PHTF2: variants seen among roughly 807,000 people sequenced by gnomAD.
PHTF2 encodes protein PHTF2.
In PHTF2, 60 loss-of-function variants were observed where a neutral mutation model predicts 101.2. The observed-to-expected ratio is 0.59, with a 90% CI of 0.48 to 0.73. PHTF2 has a LOEUF of 0.73. Among genes scored for constraint, PHTF2 ranks in the 30% least tolerant of loss-of-function variants. The pLI is 0.00. For missense variants in PHTF2, 747 were observed against 908.7 expected, an observed-to-expected ratio of 0.82 and a Z score of 2.29; for synonymous variants, 311 against 307.3, an observed-to-expected ratio of 1.01 and a Z score of -0.13.
chr7:77,942,830 T>C (rs763413562), intron 16 of PHTF2, 44 bp downstream of exon 15: 4 of 874,440 alleles, frequency 4.6e-6, no homozygotes. Context: ...GATATATAAA[T>C]ATTAACTTTC....
At chr7:77,878,655 T>C (rs1272690301) in intron 3 of PHTF2, among the ~76,000 whole-genome samples, 2 of 152,180 alleles carry the variant, frequency 1.3e-5, no homozygotes, top group Non-Finnish European at 2.9e-5. Flanking sequence ...GCTTGGCTAC[T>C]CCCAGGAATG....
chr7:77,829,468 T>A (rs1562850969), intron 1 of PHTF2, among the ~76,000 whole-genome samples: 1 of 152,240 alleles, frequency 6.6e-6, no homozygotes, highest in Non-Finnish European at 1.5e-5. Context: ...AAACGTGTGG[T>A]GTTTATTCTT....
At chr7:77,867,870 T>C (rs924924594) in intron 3 of PHTF2, among the ~76,000 whole-genome samples, 2 of 152,194 alleles carry the variant, frequency 1.3e-5, no homozygotes, top group Admixed American at 1.3e-4. Flanking sequence ...TTACATACGA[T>C]CTTTTGTTTT....
chr7:77,905,646 C>G (rs1801788326), intron 7 of PHTF2, among the ~76,000 whole-genome samples: 1 of 152,090 alleles, frequency 6.6e-6, no homozygotes, highest in South Asian at 2.1e-4. Context: ...CAGGCATGCA[C>G]TGCCATTCCC....
chr7:77,804,526 T>C (rs1330792699), intron 1 of PHTF2, among the ~76,000 whole-genome samples: 1 of 152,098 alleles, frequency 6.6e-6, no homozygotes, highest in African/African-American at 2.4e-5. Context: ...AGGTTTCACC[T>C]TGTTGGCCAG....
chr7:77,809,224 G>GTTTTT (rs34141515), intron 1 of PHTF2, among the ~76,000 whole-genome samples: 4 of 98,484 alleles, frequency 4.1e-5, no homozygotes, highest in African/African-American at 1.3e-4. Context: ...CCAGTTCGTT[G>GTTTTT]TTTTTTTTTT....
intron 1 of PHTF2, among the ~76,000 whole-genome samples, chr7:77,808,734 C>T (rs1793182851): frequency 6.6e-6 from 1 of 152,202 alleles, no homozygotes; most frequent in Non-Finnish European, 1.5e-5. Context: ...TCTGGCTTCT[C>T]AGTGTAGGGG....
chr7:77,909,999 A>G (rs559639996), intron 8 of PHTF2: 47 of 329,210 alleles, frequency 1.4e-4, no homozygotes, highest in Non-Finnish European at 2.0e-4. Flanking sequence ...ATCCAATGCA[A>G]TCCTTTCAAT....
intron 15 of PHTF2, among the ~76,000 whole-genome samples, chr7:77,940,927 G>A (rs537491273): frequency 6.6e-6 from 1 of 152,146 alleles, no homozygotes; most frequent in Non-Finnish European, 1.5e-5. Context: ...TTGCAATTCA[G>A]TGTCATTCTT....
chr7:77,939,636 A>G (rs2150971385), intron 13 of PHTF2, among the ~76,000 whole-genome samples: 1 of 151,998 alleles, frequency 6.6e-6, no homozygotes, highest in Non-Finnish European at 1.5e-5. Context: ...CTCAAGTTAC[A>G]AATGTACAAA....
intron 3 of PHTF2, among the ~76,000 whole-genome samples, chr7:77,861,143 TTTTATTTTTATTTA>T (rs1797611584): frequency 1.3e-5 from 2 of 152,100 alleles, no homozygotes; most frequent in South Asian, 4.1e-4. Context: ...TAATTTCTTT[TTTTATTTTTATTTA>T]TTTATTTTTA....
chr7:77,863,045 A>G (rs1318438511), intron 3 of PHTF2, among the ~76,000 whole-genome samples: 3 of 152,258 alleles, frequency 2.0e-5, no homozygotes, highest in African/African-American at 7.2e-5. Context: ...TTCACAGAGA[A>G]TAAAATGCTG....
intron 3 of PHTF2, among the ~76,000 whole-genome samples, chr7:77,886,956 G>A (rs987979986): frequency 2.0e-5 from 3 of 151,716 alleles, no homozygotes; most frequent in Non-Finnish European, 4.4e-5. Context: ...TGAGGTGGGA[G>A]GATTGATTGA....
chr7:77,887,222 A>C (rs546101580), intron 3 of PHTF2, among the ~76,000 whole-genome samples: 32 of 152,178 alleles, frequency 2.1e-4, no homozygotes, highest in African/African-American at 7.5e-4. Context: ...TGTTAATTTC[A>C]GTTTTTACAG....
chr7:77,817,187 T>A (rs1173470998), intron 1 of PHTF2, among the ~76,000 whole-genome samples: 1 of 152,218 alleles, frequency 6.6e-6, no homozygotes, highest in Non-Finnish European at 1.5e-5. Flanking sequence ...TCCTACCAAA[T>A]GTGTAAGAGT....
intron 1 of PHTF2, among the ~76,000 whole-genome samples, chr7:77,824,619 A>G (rs2150529997): frequency 6.6e-6 from 1 of 152,220 alleles, no homozygotes; most frequent in South Asian, 2.1e-4. Context: ...GAGATGTTTC[A>G]CCATGATGGC....
chr7:77,839,793 CATT>C (rs997950334), intron 1 of PHTF2, among the ~76,000 whole-genome samples: 1 of 152,044 alleles, frequency 6.6e-6, no homozygotes, highest in Non-Finnish European at 1.5e-5. Context: ...AATTAAATAT[CATT>C]ATAAATTCTG....
At chr7:77,868,403 A>T (rs7803160) in intron 3 of PHTF2, among the ~76,000 whole-genome samples, 1 of 144,606 alleles carries the variant, frequency 6.9e-6, no homozygotes, top group Non-Finnish European at 1.5e-5. Flanking sequence ...TCCCGGCTTC[A>T]AGCAATCCTC....
chr7:77,907,895 G>C (rs187084034), intron 7 of PHTF2: 1 of 152,204 alleles, frequency 6.6e-6, no homozygotes, highest in African/African-American at 2.4e-5. Flanking sequence ...GGATTGAGAG[G>C]CTCGGATAAT....
Sources: allele counts gnomAD v4.1 joint callset (sites outside exome capture counted in the v4.1 genomes callset), GRCh38; gene constraint gnomAD v4.1.1; transcripts MANE v1.5; gene names NCBI Gene and HGNC (gene_info 2026-07-23, HGNC 2026-07-21).